The following PTPRD variants were observed in gnomAD, a reference collection of about 807,000 sequenced individuals.
PTPRD encodes the protein protein tyrosine phosphatase receptor type D.
In PTPRD, 34 loss-of-function variants were observed where a neutral mutation model predicts 214.5. That is an observed-to-expected ratio of 0.16 (90% confidence interval 0.12 to 0.21). PTPRD has a LOEUF of 0.21. PTPRD is among the 10% of genes least tolerant of loss of function. The pLI is 1.00. For synonymous variants in PTPRD, 1,128 were observed against 845.7 expected (o/e 1.33, Z -5.79); for missense variants, 2,545 against 2,398.7 (o/e 1.06, Z -1.27).
At chr9:8,458,429 A>G (rs1484350755) in intron 33 of PTPRD, among the ~76,000 whole-genome samples, 1 of 152,044 alleles carries the variant, frequency 6.6e-6, no homozygotes, top group Non-Finnish European at 1.5e-5. Flanking sequence ...TAAGGCATTA[A>G]TTTTTCCCAT....
intron 14 of PTPRD, among the ~76,000 whole-genome samples, chr9:8,584,364 T>C (rs1371742313): frequency 6.6e-6 from 1 of 151,752 alleles, no homozygotes; most frequent in Non-Finnish European, 1.5e-5. Context: ...TTAGGTTGGG[T>C]AGAAAAATGC....
intron 9 of PTPRD, among the ~76,000 whole-genome samples, chr9:9,289,219 A>T (rs1950410069): frequency 6.6e-6 from 1 of 151,828 alleles, no homozygotes; most frequent in South Asian, 2.1e-4. Context: ...ATCCTTCAAA[A>T]ATTTATAAAA....
chr9:8,900,091 T>C (rs1488416888), intron 11 of PTPRD, among the ~76,000 whole-genome samples: 1 of 152,198 alleles, frequency 6.6e-6, no homozygotes, highest in Non-Finnish European at 1.5e-5. Flanking sequence ...GACTATTCTA[T>C]TCAACGACTG....
chr9:8,543,186 C>T (rs1159654866), intron 14 of PTPRD, among the ~76,000 whole-genome samples: 3 of 152,156 alleles, frequency 2.0e-5, no homozygotes, highest in Non-Finnish European at 2.9e-5. Context: ...CTTTTTCTTA[C>T]ATATTGAAAA....
At chr9:9,619,715 A>G (rs1378087865) in intron 7 of PTPRD, among the ~76,000 whole-genome samples, 2 of 145,830 alleles carry the variant, frequency 1.4e-5, no homozygotes, top group Non-Finnish European at 3.0e-5. Flanking sequence ...ATATGTATTT[A>G]TATATAATCG....
At position 10,014,135 on chromosome 9, in the gene PTPRD, T is replaced by G. The variant is rs143441708; in HGVS notation, c.-472+19583A>C. On this transcript the variant is annotated intron_variant, in intron 4 of 45. Transcript: ENST00000381196. Reference sequence around the variant, plus strand: ...GACTAGAGAGTTGTTTGCTTAAAGTTACATAACATTTCAGTCCTGAATATA... The same window carrying G: ...GACTAGAGAGTTGTTTGCTTAAAGTGACATAACATTTCAGTCCTGAATATA... 5.2e-3 allele frequency among the ~76,000 whole-genome samples: 785 copies of G among 152,094 alleles called. 4 individuals are homozygous for G. Among genetic ancestry groups the G allele is most frequent in the Non-Finnish European group, 8.2e-3 (554 of 67,860 alleles).
chr9:8,860,260 A>C (rs2098076656), intron 11 of PTPRD: 1 of 152,240 alleles, frequency 6.6e-6, no homozygotes, highest in African/African-American at 2.4e-5. Context: ...TCTGACTGCT[A>C]TCTGGGAACA....
intron 2 of PTPRD, among the ~76,000 whole-genome samples, chr9:10,396,676 T>A (rs2098176825): frequency 6.6e-6 from 1 of 151,984 alleles, no homozygotes; most frequent in African/African-American, 2.4e-5. Flanking sequence ...TTAATGAGAT[T>A]TGGGAAATAA....
chr9:9,054,657 G>A (rs571008113), intron 10 of PTPRD, among the ~76,000 whole-genome samples: 2 of 152,264 alleles, frequency 1.3e-5, no homozygotes, highest in South Asian at 4.1e-4. Context: ...CCTGTTTTGA[G>A]CTTGGAACTA....
chr9:9,371,347 G>T (rs7853228), intron 9 of PTPRD, among the ~76,000 whole-genome samples: 1 of 151,980 alleles, frequency 6.6e-6, no homozygotes, highest in Non-Finnish European at 1.5e-5. Context: ...TTGGGAGGTT[G>T]TATGTGTCGA....
At chr9:8,651,269 C>A (rs1255196706) in intron 12 of PTPRD, among the ~76,000 whole-genome samples, 1 of 152,132 alleles carries the variant, frequency 6.6e-6, no homozygotes, top group Non-Finnish European at 1.5e-5. Context: ...TTCACAAATT[C>A]TCCTGAGTGA....
At chr9:8,467,637 T>A (rs1036159988) in intron 31 of PTPRD, among the ~76,000 whole-genome samples, 3 of 151,944 alleles carry the variant, frequency 2.0e-5, no homozygotes, top group African/African-American at 7.2e-5. Flanking sequence ...GATTACACAA[T>A]ATCATAAGGA....
At chr9:10,283,254 T>C (rs1277082634) in intron 3 of PTPRD, among the ~76,000 whole-genome samples, 3 of 152,168 alleles carry the variant, frequency 2.0e-5, no homozygotes, top group Admixed American at 6.5e-5. Context: ...CTGATGTATG[T>C]GCTTATAGCT....
chr9:9,329,678 A>T (rs1480891624), intron 9 of PTPRD, among the ~76,000 whole-genome samples: 2 of 152,200 alleles, frequency 1.3e-5, no homozygotes, highest in African/African-American at 4.8e-5. Context: ...TGGATCACAT[A>T]ATTGTTACAA....
chr9:8,713,201 T>C, intron 12 of PTPRD: 1 of 576,380 alleles, frequency 1.7e-6, no homozygotes, highest in Non-Finnish European at 3.1e-6. Flanking sequence ...GTCAAACATT[T>C]GATCTGAAAT....
At chr9:8,416,752 G>A (rs970017854) in intron 35 of PTPRD, among the ~76,000 whole-genome samples, 1 of 152,122 alleles carries the variant, frequency 6.6e-6, no homozygotes, top group Non-Finnish European at 1.5e-5. Context: ...TGATTTTGAG[G>A]ATTATGATGA....
chr9:8,832,550 C>A (rs1601297731), intron 11 of PTPRD, among the ~76,000 whole-genome samples: 2 of 151,560 alleles, frequency 1.3e-5, no homozygotes, highest in Non-Finnish European at 2.9e-5. Context: ...ACATGCCCAA[C>A]TGAACGAGGT....
At chr9:8,355,437 T>G (rs372875715) in intron 39 of PTPRD, among the ~76,000 whole-genome samples, 1 of 143,304 alleles carries the variant, frequency 7.0e-6, no homozygotes, top group Non-Finnish European at 1.6e-5. Context: ...GTTGACCTTT[T>G]AGTTCGAGTG....
intron 2 of PTPRD, among the ~76,000 whole-genome samples, chr9:10,442,304 T>C (rs1277953209): frequency 2.0e-5 from 3 of 151,680 alleles, no homozygotes; most frequent in South Asian, 2.1e-4. Flanking sequence ...AAAAAGGGTA[T>C]TGAAGGAAGT....
Sources: gnomAD v4.1 joint callset for allele counts (sites outside exome capture counted in the v4.1 genomes callset) on GRCh38, gnomAD v4.1.1 for gene constraint, MANE v1.5 for transcripts, NCBI Gene and HGNC (gene_info 2026-07-23, HGNC 2026-07-21) for gene names.